The following BCOR variants were observed in gnomAD, a reference collection of about 807,000 sequenced individuals.
The protein encoded by BCOR is BCL6 corepressor.
In BCOR, 10 loss-of-function variants were observed where a neutral mutation model predicts 86.7. That is an observed-to-expected ratio of 0.12 (90% CI 0.07 to 0.20). BCOR has a LOEUF of 0.20. Ranked by LOEUF, BCOR falls within the 10% of genes least tolerant of loss-of-function variation. The pLI is 1.00. For missense variants in BCOR, 1,259 were observed against 1,452.1 expected (o/e 0.87, Z 2.16); for synonymous variants, 611 against 609.0 (o/e 1.00, Z -0.05).
chrX:40,143,787 T>C (rs1389895285), intron 1 of BCOR, among the ~76,000 whole-genome samples: 1 of 112,400 alleles, frequency 8.9e-6, no homozygotes, highest in East Asian at 2.8e-4. Flanking sequence ...AAACCCCGTC[T>C]CTACTAAAAA....
intron 1 of BCOR, among the ~76,000 whole-genome samples, chrX:40,106,864 C>G (rs1937197833): frequency 9.0e-6 from 1 of 110,812 alleles, no homozygotes; most frequent in African/African-American, 3.3e-5. Context: ...CCTCCCACTC[C>G]CCCTCCCCAA....
chrX:40,116,496 CAAAA>C (rs984201171), intron 1 of BCOR, among the ~76,000 whole-genome samples: 19 of 96,477 alleles, frequency 2.0e-4, no homozygotes, highest in African/African-American at 7.2e-4. Context: ...GACTCTGTCT[CAAAA>C]AAAAAAAACT....
At chrX:40,052,842 A>T (rs1185447856) in intron 14 of BCOR, among the ~76,000 whole-genome samples, 12 of 111,298 alleles carry the variant, frequency 1.1e-4, no homozygotes, top group African/African-American at 3.6e-4. Context: ...GGGATTACGG[A>T]TGTGAGCCAC....
In BCOR at chrX:40,073,545, G is replaced by C; in HGVS notation, c.1801C>G (p.Pro601Ala). 7 of 1,212,230 alleles carry C rather than the reference G, an allele frequency of 5.8e-6. No individual in the cohort carries two copies. Among genetic ancestry groups the C allele is most frequent in the Non-Finnish European group, 7.8e-6 (7 of 895,661 alleles). The change falls in exon 4 of 15, where the codon CCC becomes GCC. Residue 601 changes from proline to alanine, a missense_variant. Pro to Ala is a conservative substitution (Grantham distance 27). Coordinates refer to ENST00000378444, the MANE Select transcript of BCOR (RefSeq NM_001123385.2). Reference sequence around the variant, plus strand: ...CTGTGCTTGGCAGGAGTGGCCGGGGGCTGGCCCACGTGCTGAATAACGGAT... The same window carrying C: ...CTGTGCTTGGCAGGAGTGGCCGGGGCCTGGCCCACGTGCTGAATAACGGAT... ...TPSVIQHVGQ[P>A]PATPAKHSSS...
chrX:40,062,575 GTT>G (rs1160768588), intron 9 of BCOR, among the ~76,000 whole-genome samples, 169 bp downstream of exon 9: 1 of 109,918 alleles, frequency 9.1e-6, no homozygotes, highest in Non-Finnish European at 1.9e-5. Flanking sequence ...ATTCTTACTA[GTT>G]TGAAACTTCG....
rs937092738 is a variant in BCOR at position 40,081,336 on chromosome X, T to G, written c.-40-3367A>C. On this transcript the variant is annotated intron_variant, in intron 1 of 14. Transcript: ENST00000378444. ...ACAGCCCACCCTGGTTTCTCTGTCA[T>G]GTACAACGAAGGGGACACTGGGGTA... is the stretch of plus-strand genomic sequence containing the variant. Among the ~76,000 whole-genome samples the G allele has an allele frequency of 7.1e-5, 8 of 112,013 alleles. No homozygotes were observed. The South Asian group carries it at 1.5e-3, about 21-fold the overall frequency.
At chrX:40,116,496 CA>C (rs984201171) in intron 1 of BCOR, among the ~76,000 whole-genome samples, 32 of 96,397 alleles carry the variant, frequency 3.3e-4, no homozygotes, top group African/African-American at 6.0e-4. Flanking sequence ...GACTCTGTCT[CA>C]AAAAAAAAAA....
Position 40,071,089 on chromosome X carries a change from G to A in BCOR, c.3122C>T (p.Ser1041Phe), listed in dbSNP as rs1935454261. The A allele has an allele frequency of 8.3e-7, 1 of 1,208,498 alleles. No homozygotes were observed. The highest frequency in any genetic ancestry group is 1.1e-6 in the Non-Finnish European group (1 of 894,708). ...REGGHPATKD[S>F]EMCKFSPADW... ...GGCTGGGCTGAATTTGCACATCTCGGAGTCTTTGGTTGCTGGGTGGCCACC... is the reference window on the plus strand; with the variant it reads ...GGCTGGGCTGAATTTGCACATCTCGAAGTCTTTGGTTGCTGGGTGGCCACC... The change falls in exon 6 of 15, where the codon TCC (serine) becomes TTC (phenylalanine). Residue 1041 changes from serine (S) to phenylalanine (F), a missense_variant. Ser to Phe is a radical substitution (Grantham distance 155, BLOSUM62 -2). Transcript: ENST00000378444.
At position 40,075,178 on chromosome X, in the gene BCOR, C is replaced by A; in HGVS notation, c.168G>T (p.Val56=). Residue 56 remains valine (V), a splice_region_variant and synonymous_variant, in exon 4 of 15, where the codon GTG becomes GTT. Coordinates refer to ENST00000378444, the MANE Select transcript of BCOR (RefSeq NM_001123385.2). Reference sequence around the variant, plus strand: ...CGATCCTATGGGCCGTGCTCGCATCCACCTTTGCAGAAGAACAACATGGGT... The same window carrying A: ...CGATCCTATGGGCCGTGCTCGCATCAACCTTTGCAGAAGAACAACATGGGT... The part of the protein sequence containing the change: ...REENPLNHNV[V]DASTAHRIDG... 8.3e-7 allele frequency: 1 copy of A among 1,205,580 alleles called. No homozygotes were observed. Among genetic ancestry groups the A allele is most frequent in the Non-Finnish European group, 1.1e-6 (1 of 892,722 alleles).
chrX:40,097,720 G>C lies in BCOR; in HGVS notation c.-546C>G, dbSNP rs1209576330. Among the ~76,000 whole-genome samples, 1 of 110,834 alleles carries C rather than the reference G, an allele frequency of 9.0e-6. No individual in the cohort carries two copies. The highest frequency in any genetic ancestry group is 2.9e-4 in the East Asian group (1 of 3,432). ...TTCGCCGCGAGCGCCCGCTCGGGCTGGGTGTGTGTGAGTGTGTGTGAGTGT... is the reference window on the plus strand; with the variant it reads ...TTCGCCGCGAGCGCCCGCTCGGGCTCGGTGTGTGTGAGTGTGTGTGAGTGT... On this transcript the variant is annotated 5_prime_UTR_variant, in exon 1 of 15. Coordinates refer to ENST00000378444, the MANE Select transcript of BCOR (RefSeq NM_001123385.2).
intron 1 of BCOR, among the ~76,000 whole-genome samples, chrX:40,176,814 C>A (rs1043020813): frequency 8.9e-5 from 10 of 111,862 alleles, no homozygotes; most frequent in Non-Finnish European, 1.7e-4. Flanking sequence ...CCGGCTCCCC[C>A]GCCAGCTGCG....
intron 1 of BCOR, among the ~76,000 whole-genome samples, chrX:40,105,157 G>A (rs1937151278): frequency 9.0e-6 from 1 of 110,635 alleles, no homozygotes; most frequent in African/African-American, 3.3e-5. Flanking sequence ...CGTTCCCGCG[G>A]GGTCTCCGGA....
At chrX:40,092,915 A>C (rs1352660462) in intron 1 of BCOR, among the ~76,000 whole-genome samples, 1 of 112,060 alleles carries the variant, frequency 8.9e-6, no homozygotes, top group African/African-American at 3.3e-5. Flanking sequence ...GGTCTCACTC[A>C]CTCGGCAGGA....
At chrX:40,153,690 G>T (rs1462561383) in intron 1 of BCOR, among the ~76,000 whole-genome samples, 2 of 112,037 alleles carry the variant, frequency 1.8e-5, no homozygotes, top group East Asian at 2.8e-4. Context: ...GAGGAGAGGA[G>T]CTGAGAGGAA....
intron 1 of BCOR, among the ~76,000 whole-genome samples, chrX:40,107,539 C>G (rs1272069679): frequency 8.8e-5 from 10 of 113,543 alleles, no homozygotes; most frequent in Non-Finnish European, 1.7e-4. Context: ...CTGCTAGTGT[C>G]GGTCCTGTCA....
intron 10 of BCOR, among the ~76,000 whole-genome samples, chrX:40,061,563 G>C (rs1934871250): frequency 9.0e-6 from 1 of 110,552 alleles, no homozygotes; most frequent in Non-Finnish European, 1.9e-5. Context: ...AGGGGGGCTG[G>C]GGAGAAGCAG....
intron 1 of BCOR, among the ~76,000 whole-genome samples, chrX:40,147,826 T>G (rs1938093433): frequency 8.9e-6 from 1 of 112,854 alleles, no homozygotes. Context: ...CACAGACTCT[T>G]GGCATGACTT....
chrX:40,149,168 G>T (rs1302036306), intron 1 of BCOR, among the ~76,000 whole-genome samples: 1 of 108,931 alleles, frequency 9.2e-6, no homozygotes, highest in Non-Finnish European at 1.9e-5. Context: ...GCTCCGCTCC[G>T]CTCAGCTCTC....
At chrX:40,064,306 C>CG in intron 7 of BCOR, 30 bp downstream of exon 7, 1 of 1,211,839 alleles carries the variant, frequency 8.3e-7, no homozygotes, top group South Asian at 1.8e-5. Flanking sequence ...GCCCACCCCC[C>CG]GGCAGGCGGG....
Sources: allele counts gnomAD v4.1 joint callset (sites outside exome capture counted in the v4.1 genomes callset), GRCh38; gene constraint gnomAD v4.1.1; transcripts MANE v1.5; gene names NCBI Gene and HGNC (gene_info 2026-07-23, HGNC 2026-07-21).